The following SGCG variants were observed in gnomAD, a reference collection of about 807,000 sequenced individuals.
SGCG encodes sarcoglycan gamma.
Under a neutral mutation model 29.3 loss-of-function variants are expected in SGCG, and 26 were observed. That is an observed-to-expected ratio of 0.89 (90% CI 0.65 to 1.23). The LOEUF is 1.23. SGCG is among the 50% of genes most tolerant of loss of function. SGCG has a pLI of 0.00. For missense variants in SGCG, 353 were observed against 356.0 expected (o/e 0.99, Z 0.07); for synonymous variants, 145 against 129.7 (o/e 1.12, Z -0.80).
chr13:23,234,222 T>C (rs541356577), intron 2 of SGCG, among the ~76,000 whole-genome samples: 13 of 152,338 alleles, frequency 8.5e-5, no homozygotes, highest in South Asian at 8.3e-4. Flanking sequence ...AACTATACTG[T>C]ATTCTGATTG....
intron 4 of SGCG, among the ~76,000 whole-genome samples, chr13:23,252,827 T>C (rs1880027697): frequency 6.6e-6 from 1 of 152,174 alleles, no homozygotes; most frequent in Non-Finnish European, 1.5e-5. Flanking sequence ...CTGCCTCTCA[T>C]TTCATAGATG....
chr13:23,283,110 A>T (rs1421126981), intron 5 of SGCG, among the ~76,000 whole-genome samples: 4 of 152,086 alleles, frequency 2.6e-5, no homozygotes, highest in African/African-American at 9.7e-5. Context: ...TGGGGTGGAG[A>T]CTTCTGTAGA....
chr13:23,169,667 G>C, the SGCG span, among the ~76,000 whole-genome samples: 1 of 147,302 alleles, frequency 6.8e-6, no homozygotes, highest in Non-Finnish European at 1.5e-5. Flanking sequence ...AACAGAGAGA[G>C]ACTCCATCTC....
intron 5 of SGCG, among the ~76,000 whole-genome samples, chr13:23,288,596 C>A (rs1376969032): frequency 6.6e-6 from 1 of 152,188 alleles, no homozygotes; most frequent in African/African-American, 2.4e-5. Flanking sequence ...GCAGTTCAGT[C>A]TGAAACCAAT....
chr13:23,162,696 T>C, the SGCG span, among the ~76,000 whole-genome samples: 8 of 151,794 alleles, frequency 5.3e-5, no homozygotes, highest in Non-Finnish European at 7.4e-5. Context: ...CTGGGTGTGG[T>C]GGCACACGCC....
intron 2 of SGCG, among the ~76,000 whole-genome samples, chr13:23,229,149 A>T (rs1442853945): frequency 6.6e-6 from 1 of 152,136 alleles, no homozygotes; most frequent in Admixed American, 6.5e-5. Flanking sequence ...GGATTACAGG[A>T]ACTGTAATCC....
At chr13:23,258,845 A>G (rs947689486) in intron 4 of SGCG, among the ~76,000 whole-genome samples, 4 of 152,118 alleles carry the variant, frequency 2.6e-5, no homozygotes, top group Non-Finnish European at 5.9e-5. Flanking sequence ...GTGATGGATT[A>G]CGTTTAATGA....
the SGCG span, among the ~76,000 whole-genome samples, chr13:23,168,242 A>G: frequency 6.6e-6 from 1 of 151,998 alleles, no homozygotes; most frequent in African/African-American, 2.4e-5. Context: ...AACCTTCTTT[A>G]CCATTATATT....
chr13:23,298,456 A>G (rs1386842946), intron 6 of SGCG, among the ~76,000 whole-genome samples: 1 of 152,234 alleles, frequency 6.6e-6, no homozygotes, highest in Non-Finnish European at 1.5e-5. Context: ...TTAATGTCCA[A>G]TTAAATATTC....
At chr13:23,298,963 G>C (rs1882014873) in intron 6 of SGCG, among the ~76,000 whole-genome samples, 1 of 152,206 alleles carries the variant, frequency 6.6e-6, no homozygotes, top group African/African-American at 2.4e-5. Flanking sequence ...CTCGAGGAGT[G>C]TGGTGAGGAT....
intron 6 of SGCG, among the ~76,000 whole-genome samples, chr13:23,316,697 A>C (rs942079302): frequency 1.3e-5 from 2 of 152,020 alleles, no homozygotes; most frequent in African/African-American, 2.4e-5. Flanking sequence ...CCACTAGCAA[A>C]ATTTTTGCTT....
chr13:23,309,248 C>CGA (rs201756388), intron 6 of SGCG, among the ~76,000 whole-genome samples: 20 of 149,438 alleles, frequency 1.3e-4, no homozygotes, highest in South Asian at 2.1e-4. Flanking sequence ...ATACATATGC[C>CGA]GAGAGAGAGA....
chr13:23,252,949 T>C (rs532599301), intron 4 of SGCG, among the ~76,000 whole-genome samples: 127 of 152,298 alleles, frequency 8.3e-4, no homozygotes, highest in Middle Eastern at 3.4e-3. Context: ...CTGTTTCCAC[T>C]GGCCCTCCTC....
chr13:23,198,964 G>A (rs794499), intron 1 of SGCG, among the ~76,000 whole-genome samples: 9 of 150,804 alleles, frequency 6.0e-5, no homozygotes, highest in East Asian at 2.0e-4. Context: ...AAAAATTAGC[G>A]GGGCGTGGTG....
At chr13:23,176,963 A>G (rs1367497602), upstream of SGCG, among the ~76,000 whole-genome samples, 2 of 152,194 alleles carry the variant, frequency 1.3e-5, no homozygotes, top group Non-Finnish European at 2.9e-5. Context: ...AAGATATAGA[A>G]TCAGCCTATG....
At chr13:23,276,155 C>T (rs991256251) in intron 4 of SGCG, among the ~76,000 whole-genome samples, 3 of 151,716 alleles carry the variant, frequency 2.0e-5, no homozygotes, top group African/African-American at 7.3e-5. Context: ...CGATTACATC[C>T]TCAGCTCTAA....
chr13:23,223,333 C>T (rs1000039303), intron 2 of SGCG, among the ~76,000 whole-genome samples: 3 of 149,512 alleles, frequency 2.0e-5, no homozygotes, highest in African/African-American at 4.9e-5. Flanking sequence ...TATGCCCCTA[C>T]ATTCTCCACC....
intron 2 of SGCG, among the ~76,000 whole-genome samples, chr13:23,211,445 G>A (rs1030133825): frequency 3.3e-5 from 5 of 152,048 alleles, no homozygotes; most frequent in African/African-American, 9.7e-5. Context: ...GTCAGAAACC[G>A]GGGAGAGGGG....
chr13:23,293,733 G>A (rs7492204), intron 5 of SGCG, among the ~76,000 whole-genome samples: 4,828 of 152,122 alleles, frequency 0.032, 261 homozygotes, highest in African/African-American at 0.11. Flanking sequence ...TCAGGAGGCT[G>A]AGGCAGGAGA....
Sources: gnomAD v4.1 joint callset for allele counts (sites outside exome capture counted in the v4.1 genomes callset) on GRCh38, gnomAD v4.1.1 for gene constraint, MANE v1.5 for transcripts, NCBI Gene and HGNC (gene_info 2026-07-23, HGNC 2026-07-21) for gene names.